Variants in STXBP5 observed in about 807,000 individuals in gnomAD.
STXBP5 encodes the protein syntaxin binding protein 5.
In STXBP5, 50 loss-of-function variants were observed where a neutral mutation model predicts 152.4. That is an observed-to-expected ratio of 0.33 (90% CI 0.26 to 0.42). The LOEUF (loss-of-function observed/expected upper bound fraction) is 0.42, where lower values mean the gene tolerates loss of function less well. STXBP5 is among the 10% of genes least tolerant of loss of function. STXBP5 has a pLI of 1.00. For synonymous variants in STXBP5, 492 were observed against 494.7 expected (o/e 0.99, Z 0.07); for missense variants, 1,167 against 1,388.6 (o/e 0.84, Z 2.54).
At position 147,388,566 on chromosome 6, in the gene STXBP5, A is replaced by G. The variant is rs1436867622; in HGVS notation, c.*3811A>G. On this transcript the variant is annotated 3_prime_UTR_variant, in exon 28 of 28. Transcript: ENST00000321680. ...ACAAAAAGTTATGTTTTACGCTTAT[A>G]ATAAGAAATACTGGTATCTCATATC... 2 of 151,548 alleles carry G rather than the reference A, an allele frequency of 1.3e-5. No individual in the cohort carries two copies. The highest frequency in any genetic ancestry group is 2.4e-5 in the African/African-American group (1 of 41,414). The allele number at this position is 151,548 out of a possible 1,614,324, so 9.4% of individuals were successfully genotyped here. A position where few individuals can be genotyped will look rare whatever the true frequency, so the allele number is the denominator to read the frequency against.
intron 22 of STXBP5, among the ~76,000 whole-genome samples, chr6:147,355,559 G>A (rs1784779464): frequency 6.6e-6 from 1 of 152,138 alleles, no homozygotes; most frequent in African/African-American, 2.4e-5. Flanking sequence ...CTGTATGATA[G>A]TGATGATATG....
chr6:147,276,804 C>A (rs904348068), intron 7 of STXBP5, among the ~76,000 whole-genome samples: 1 of 151,948 alleles, frequency 6.6e-6, no homozygotes, highest in Non-Finnish European at 1.5e-5. Context: ...CCCTGACTTA[C>A]AATATTTCTT....
At chr6:147,250,188 G>T (rs1254282093) in intron 4 of STXBP5, among the ~76,000 whole-genome samples, 1 of 152,144 alleles carries the variant, frequency 6.6e-6, no homozygotes, top group Non-Finnish European at 1.5e-5. Flanking sequence ...TAAGAGAGTA[G>T]AGCTTAGACC....
rs577419271 is a variant in STXBP5 at position 147,372,592 on chromosome 6, G to A, written c.3082-1139G>A. Among the ~76,000 whole-genome samples, 4 of 150,962 alleles carry A rather than the reference G, an allele frequency of 2.6e-5. No homozygotes were observed. In the South Asian group the frequency reaches 6.3e-4, roughly 24 times the overall value. Reference sequence around the variant, plus strand: ...TGGGATTACAGGCGCAGGCCACCACGCCCTGCTAATTTTTGTATTTTTAGT... The same window carrying A: ...TGGGATTACAGGCGCAGGCCACCACACCCTGCTAATTTTTGTATTTTTAGT... On this transcript the variant is annotated intron_variant, in intron 25 of 27. Coordinates refer to ENST00000321680, the MANE Select transcript of STXBP5 (RefSeq NM_001127715.4).
At chr6:147,207,229 T>TATAG (rs201394612) in intron 2 of STXBP5, among the ~76,000 whole-genome samples, 4 of 152,138 alleles carry the variant, frequency 2.6e-5, no homozygotes, top group Admixed American at 6.6e-5. Context: ...TATATATATG[T>TATAG]ATAGATAGAT....
intron 21 of STXBP5, among the ~76,000 whole-genome samples, chr6:147,343,253 G>C (rs1425900789): frequency 6.6e-6 from 1 of 151,992 alleles, no homozygotes; most frequent in Non-Finnish European, 1.5e-5. Context: ...TAATTATTTA[G>C]GTAAGGGTTA....
chr6:147,348,687 A>T (rs556193082), intron 21 of STXBP5, among the ~76,000 whole-genome samples: 46 of 152,312 alleles, frequency 3.0e-4, no homozygotes, highest in African/African-American at 7.7e-4. Flanking sequence ...ATTTCCTCCT[A>T]TAAAACTCTA....
At chr6:147,254,614 C>G (rs1320101014) in intron 4 of STXBP5, among the ~76,000 whole-genome samples, 1 of 152,142 alleles carries the variant, frequency 6.6e-6, no homozygotes, top group Non-Finnish European at 1.5e-5. Context: ...ACAACCCCAT[C>G]AAAAAGTGGG....
At chr6:147,335,798 CA>C (rs564853131) in intron 19 of STXBP5, among the ~76,000 whole-genome samples, 7 of 135,662 alleles carry the variant, frequency 5.2e-5, no homozygotes, top group Non-Finnish European at 6.4e-5. Flanking sequence ...GACTACGTCT[CA>C]AAAAAAAAAG....
chr6:147,344,741 G>A (rs1478012118), intron 21 of STXBP5, among the ~76,000 whole-genome samples: 2 of 152,304 alleles, frequency 1.3e-5, no homozygotes, highest in East Asian at 1.9e-4. Context: ...GTATAGTAGA[G>A]GAACTGGGGC....
At chr6:147,228,934 A>G (rs1444554818) in intron 2 of STXBP5, among the ~76,000 whole-genome samples, 2 of 152,112 alleles carry the variant, frequency 1.3e-5, no homozygotes, top group African/African-American at 2.4e-5. Context: ...TTCTAAGACC[A>G]TACTATTCTT....
intron 2 of STXBP5, among the ~76,000 whole-genome samples, chr6:147,215,085 A>G (rs1310529587): frequency 1.3e-5 from 2 of 152,242 alleles, no homozygotes; most frequent in Non-Finnish European, 2.9e-5. Flanking sequence ...ACGGCTACTC[A>G]ACTCTGCTTC....
intron 4 of STXBP5, among the ~76,000 whole-genome samples, chr6:147,250,148 T>C (rs1301924094): frequency 6.6e-6 from 1 of 152,140 alleles, no homozygotes; most frequent in Non-Finnish European, 1.5e-5. Context: ...TGCAAATAAG[T>C]GGTAACTTAC....
At position 147,311,468 on chromosome 6, in the gene STXBP5, A is replaced by G. The variant is rs146095997; in HGVS notation, c.1086A>G (p.Pro362=). The change falls in exon 11 of 28, where the codon CCA becomes CCG. Residue 362 remains proline (P), a synonymous_variant. Transcript: ENST00000321680. ...ETPYPNDFQE[P]YAVVVLLEKD... ...GTCCAATTCCAGATTTTCAAGAACC[A>G]TATGCTGTGGTTGTTCTTCTAGAAA... 7.3e-5 allele frequency: 118 copies of G among 1,612,118 alleles called. No individual in the cohort carries two copies. Among genetic ancestry groups the G allele is most frequent in the Non-Finnish European group, 9.3e-5 (110 of 1,179,166 alleles).
chr6:147,280,078 T>A (rs1304429918), intron 8 of STXBP5, among the ~76,000 whole-genome samples: 1 of 151,908 alleles, frequency 6.6e-6, no homozygotes, highest in Non-Finnish European at 1.5e-5. Flanking sequence ...TTTTTTTTTT[T>A]AATAAGGACA....
At chr6:147,366,930 A>G (rs560268445) in intron 25 of STXBP5, among the ~76,000 whole-genome samples, 7 of 152,326 alleles carry the variant, frequency 4.6e-5, no homozygotes, top group African/African-American at 1.7e-4. Flanking sequence ...TAAAAATCGC[A>G]ATGTCTGGTG....
At chr6:147,245,954 TGAGA>T (rs1459563607) in intron 4 of STXBP5, among the ~76,000 whole-genome samples, 1 of 152,166 alleles carries the variant, frequency 6.6e-6, no homozygotes, top group Non-Finnish European at 1.5e-5. Context: ...TCCAGAACTG[TGAGA>T]GAATCAATTC....
At chr6:147,294,935 T>A (rs1434382821) in intron 9 of STXBP5, among the ~76,000 whole-genome samples, 2 of 152,198 alleles carry the variant, frequency 1.3e-5, no homozygotes, top group Non-Finnish European at 2.9e-5. Flanking sequence ...CCTGATTTAG[T>A]AGAAATAATT....
chr6:147,359,039 T>C (rs1238164760), intron 22 of STXBP5, 45 bp from the exon 23 acceptor site: 1 of 1,583,740 alleles, frequency 6.3e-7, no homozygotes, highest in Admixed American at 1.8e-5. Flanking sequence ...ACAAATAACT[T>C]CTTTTATAAC....
Sources: allele counts gnomAD v4.1 joint callset (sites outside exome capture counted in the v4.1 genomes callset), GRCh38; gene constraint gnomAD v4.1.1; transcripts MANE v1.5; gene names NCBI Gene and HGNC (gene_info 2026-07-23, HGNC 2026-07-21).